Variants in ESRRG observed in about 807,000 individuals in gnomAD.
ESRRG encodes estrogen related receptor gamma.
A neutral mutation model predicts 44.0 loss-of-function variants in ESRRG; 13 were observed. That is an observed-to-expected ratio of 0.30 (90% CI 0.19 to 0.47). The LOEUF is 0.47. Among genes scored for constraint, ESRRG ranks in the 20% least tolerant of loss-of-function variants. ESRRG has a pLI of 1.00. For synonymous variants in ESRRG, 215 were observed against 214.6 expected (o/e 1.00, Z -0.02); for missense variants, 395 against 580.6 (o/e 0.68, Z 3.29).
At chr1:216,680,115 G>A (rs909258816) in intron 1 of ESRRG, among the ~76,000 whole-genome samples, 1 of 152,186 alleles carries the variant, frequency 6.6e-6, no homozygotes, top group Non-Finnish European at 1.5e-5. Flanking sequence ...GGTTGTACGT[G>A]TTTTTGGCCT....
chr1:216,719,511 TC>T (rs1305119492), intron 1 of ESRRG, among the ~76,000 whole-genome samples: 1 of 152,054 alleles, frequency 6.6e-6, no homozygotes, highest in East Asian at 1.9e-4. Context: ...TTTTAAACCT[TC>T]TTTTCTTTTC....
chr1:216,821,958 CTGA>C (rs2095307506), intron 2 of ESRRG, among the ~76,000 whole-genome samples: 1 of 151,732 alleles, frequency 6.6e-6, no homozygotes, highest in Non-Finnish European at 1.5e-5. Flanking sequence ...CCTCCATATT[CTGA>C]TGTCCCTAGG....
chr1:216,925,423 C>T (rs553613454), intron 2 of ESRRG, among the ~76,000 whole-genome samples: 34 of 152,202 alleles, frequency 2.2e-4, no homozygotes, highest in African/African-American at 8.2e-4. Context: ...GGGGACAGAG[C>T]GAGACTCCGT....
intron 3 of ESRRG, among the ~76,000 whole-genome samples, chr1:216,601,095 C>A (rs773960228): frequency 1.6e-4 from 25 of 152,146 alleles, no homozygotes; most frequent in Non-Finnish European, 3.2e-4. Flanking sequence ...GCGGCAGCAG[C>A]GGGTTGGGGA....
In ESRRG at chr1:216,564,376, G is replaced by C; in HGVS notation, c.705C>G (p.Asn235Lys). 6.2e-7 allele frequency: 1 copy of C among 1,608,172 alleles called. No homozygotes were observed. The highest frequency in any genetic ancestry group is 8.5e-7 in the Non-Finnish European group (1 of 1,177,056). ...QLVQPAKKPY[N>K]KIVSHLLVAE... ...CCACCAACAAATGTGAGACAATCTTGTTATCTGCAGGATCAGACCAGAGCA... is the reference window on the plus strand; with the variant it reads ...CCACCAACAAATGTGAGACAATCTTCTTATCTGCAGGATCAGACCAGAGCA... The change falls in exon 5 of 7, where the codon AAC (asparagine) becomes AAG (lysine). Residue 235 changes from asparagine to lysine, a missense_variant. Around this residue, in one of 5 missense-constraint regions of ESRRG, gnomAD observed 37 missense variants for 32.9 expected, o/e 1.13. Transcript: ENST00000408911.
rs573749790 is a variant in ESRRG, at chr1:216,723,251, C to T, written c.49G>A (p.Glu17Lys). ...CLPESFSLHY[E>K]EELLCRMSNK... The stretch of plus-strand genomic sequence containing the variant: ...AAGAAAAAAGGTACCTACTCTTCCT[C>T]GTAGTGCAGGGAAAAAGATTCAGGA... Residue 17 changes from glutamate (E) to lysine (K), a missense_variant, in exon 1 of 7, where the codon GAG becomes AAG. This residue lies in a region of ESRRG where 148 missense variants were observed against 150.4 expected (regional missense o/e 0.98). Transcript: ENST00000408911. 2.5e-6 allele frequency: 4 copies of T among 1,612,902 alleles called. No homozygotes were observed. The African/African-American group carries it at 4.0e-5, about 16-fold the overall frequency.
chr1:217,020,348 T>C (rs1431105329), intron 1 of ESRRG, among the ~76,000 whole-genome samples: 1 of 152,212 alleles, frequency 6.6e-6, no homozygotes, highest in Non-Finnish European at 1.5e-5. Context: ...CAGTCTATCT[T>C]CTTCTGCCTT....
At chr1:217,010,181 AGATGTAGTCAT>A (rs368957490) in intron 1 of ESRRG, among the ~76,000 whole-genome samples, 141 of 152,258 alleles carry the variant, frequency 9.3e-4, no homozygotes, top group African/African-American at 3.3e-3. Flanking sequence ...TGAGAGGGGC[AGATGTAGTCAT>A]TAACACAATT....
intron 2 of ESRRG, among the ~76,000 whole-genome samples, chr1:216,761,853 A>G (rs1190225465): frequency 6.6e-6 from 1 of 152,070 alleles, no homozygotes; most frequent in African/African-American, 2.4e-5. Flanking sequence ...CAGCTCTTCA[A>G]TCCATTCCCC....
At chr1:216,581,260 C>A (rs571154068) in intron 3 of ESRRG, among the ~76,000 whole-genome samples, 1 of 152,174 alleles carries the variant, frequency 6.6e-6, no homozygotes, top group Non-Finnish European at 1.5e-5. Context: ...ATTAATGTTT[C>A]ATCTCAACAT....
intron 1 of ESRRG, among the ~76,000 whole-genome samples, chr1:216,707,838 T>C (rs2082745865): frequency 6.6e-6 from 1 of 152,212 alleles, no homozygotes; most frequent in Non-Finnish European, 1.5e-5. Flanking sequence ...AGCAATTAAT[T>C]TGACACCAGA....
chr1:216,860,464 G>T (rs1046397101), intron 2 of ESRRG, among the ~76,000 whole-genome samples: 1 of 152,030 alleles, frequency 6.6e-6, no homozygotes, highest in African/African-American at 2.4e-5. Context: ...TAACCTAGTT[G>T]TTCAGAATGA....
chr1:217,014,261 G>A (rs887402890), intron 1 of ESRRG, among the ~76,000 whole-genome samples: 16 of 152,070 alleles, frequency 1.1e-4, no homozygotes, highest in Non-Finnish European at 5.9e-5. Flanking sequence ...CAGACAGGTT[G>A]CTATGGGAAC....
chr1:216,855,602 C>T (rs1386905165), intron 2 of ESRRG, among the ~76,000 whole-genome samples: 2 of 152,154 alleles, frequency 1.3e-5, no homozygotes, highest in African/African-American at 4.8e-5. Flanking sequence ...ACGAGACTGC[C>T]AAGGTCCAAC....
intron 5 of ESRRG, among the ~76,000 whole-genome samples, chr1:216,520,092 G>T (rs1347853055): frequency 6.6e-6 from 1 of 152,056 alleles, no homozygotes; most frequent in African/African-American, 2.4e-5. Context: ...AAAGAGAAAA[G>T]CCTCGTTCAC....
intron 1 of ESRRG, among the ~76,000 whole-genome samples, chr1:217,043,312 G>A (rs2084224994): frequency 6.6e-6 from 1 of 152,140 alleles, no homozygotes; most frequent in Non-Finnish European, 1.5e-5. Context: ...ATGGAAAGAA[G>A]GAAGCTGGGT....
In ESRRG at chr1:217,029,059, TAA is replaced by T. The variant is rs5780956; in HGVS notation, c.-106+60446_-106+60447del. Among the ~76,000 whole-genome samples the T allele has an allele frequency of 9.8e-3, 1,466 of 149,690 alleles. 12 individuals are homozygous for T. The highest frequency in any genetic ancestry group is 0.01 in the Non-Finnish European group (690 of 67,376). On this transcript the variant is annotated intron_variant, in intron 1 of 7. Coordinates refer to the ESRRG transcript ENST00000359162. ...TTTAAAATGAGCTCTCTGAAAAACTTAAAAAAAAAAAAGAAGAAATTAATTCT... is the reference window on the plus strand; with the variant it reads ...TTTAAAATGAGCTCTCTGAAAAACTTAAAAAAAAAAGAAGAAATTAATTCT...
intron 1 of ESRRG, among the ~76,000 whole-genome samples, chr1:216,984,022 G>A (rs2074445567): frequency 1.4e-5 from 2 of 142,474 alleles, no homozygotes; most frequent in Admixed American, 1.4e-4. Context: ...ATGGTGCTGG[G>A]AGAGGGGGCG....
intron 2 of ESRRG, among the ~76,000 whole-genome samples, chr1:216,880,530 T>A (rs2096430067): frequency 6.6e-6 from 1 of 152,066 alleles, no homozygotes; most frequent in Admixed American, 6.6e-5. Context: ...CCAGTTTTTA[T>A]TAGCTTATAT....
Sources: gnomAD v4.1 joint callset for allele counts (sites outside exome capture counted in the v4.1 genomes callset) on GRCh38, gnomAD v4.1.1 for gene constraint, gnomAD v4.1.1 regional missense constraint, MANE v1.5 for transcripts, NCBI Gene and HGNC (gene_info 2026-07-23, HGNC 2026-07-21) for gene names.